Variants in ABL2 observed in about 807,000 individuals in gnomAD.
The protein encoded by ABL2 is tyrosine-protein kinase ABL2.
Under a neutral mutation model 107.7 loss-of-function variants are expected in ABL2, and 49 were observed. The ratio of observed to expected loss-of-function variants is 0.45; its 90% CI spans 0.36 to 0.58. ABL2 has a LOEUF of 0.58. Among genes scored for constraint, ABL2 ranks in the 20% least tolerant of loss-of-function variants. The pLI is 0.00. For missense variants in ABL2, 1,245 were observed against 1,457.0 expected, an observed-to-expected ratio of 0.85 and a Z score of 2.37; for synonymous variants, 549 against 548.6, an observed-to-expected ratio of 1.00 and a Z score of -0.01.
At chr1:179,124,308 A>G (rs1019712144) in intron 4 of ABL2, among the ~76,000 whole-genome samples, 4 of 151,972 alleles carry the variant, frequency 2.6e-5, no homozygotes, top group African/African-American at 7.2e-5. Context: ...CAGAAAATTG[A>G]TAATTTTTAC....
intron 2 of ABL2, 79 bp downstream of exon 2, chr1:179,133,233 A>G: frequency 6.3e-7 from 1 of 1,584,868 alleles, no homozygotes; most frequent in Non-Finnish European, 8.6e-7. Flanking sequence ...GGTTCCATTT[A>G]TTTTCAAATC....
intron 1 of ABL2, among the ~76,000 whole-genome samples, chr1:179,156,925 AT>A (rs1216015605): frequency 1.0e-4 from 13 of 129,260 alleles, no homozygotes; most frequent in South Asian, 2.5e-4. Context: ...AAATAAATAA[AT>A]AAATAAAACT....
chr1:179,178,683 A>G (rs1378320289), intron 1 of ABL2, among the ~76,000 whole-genome samples: 1 of 152,134 alleles, frequency 6.6e-6, no homozygotes, highest in Non-Finnish European at 1.5e-5. Context: ...TGAGGCCAGG[A>G]GTTCAAGACA....
At chr1:179,116,419 A>C (rs1409739397) in intron 8 of ABL2, among the ~76,000 whole-genome samples, 1 of 152,214 alleles carries the variant, frequency 6.6e-6, no homozygotes, top group East Asian at 1.9e-4. Context: ...GATGCTTTAC[A>C]GAGGGAGGAT....
chr1:179,193,550 G>A (rs928960300), intron 1 of ABL2, among the ~76,000 whole-genome samples: 5 of 151,582 alleles, frequency 3.3e-5, no homozygotes, highest in Non-Finnish European at 7.4e-5. Flanking sequence ...GATAACAAGC[G>A]CCTGCGACCA....
In ABL2 at chr1:179,100,547, C is replaced by G. The variant is rs1490004923; in HGVS notation, c.*7171G>C. 4.4e-6 allele frequency: 1 copy of G among 229,128 alleles called. No homozygotes were observed. The highest frequency in any genetic ancestry group is 2.2e-5 in the African/African-American group (1 of 45,128). The allele number at this position is 229,128 out of a possible 1,614,324, so 14.2% of individuals were successfully genotyped here. ...ATTCCGAAGCAAATTTAAGCAAGTT[C>G]TGACTACACAAACTCCTTATGTTTC... is the stretch of plus-strand genomic sequence containing the variant. On this transcript the variant is annotated 3_prime_UTR_variant, in exon 12 of 12. Coordinates refer to ENST00000502732, the MANE Select transcript of ABL2 (RefSeq NM_007314.4).
At chr1:179,189,415 T>C (rs1206818549) in intron 1 of ABL2, among the ~76,000 whole-genome samples, 1 of 152,206 alleles carries the variant, frequency 6.6e-6, no homozygotes, top group Non-Finnish European at 1.5e-5. Flanking sequence ...ATTACAGGCA[T>C]GAGCCACCGC....
chr1:179,109,280 G>A lies in ABL2; in HGVS notation c.1987C>T (p.Pro663Ser), dbSNP rs1214381804. The stretch of plus-strand genomic sequence containing the variant: ...GAGCTGCTGCGTTTGGGGGGTGTAG[G>A]AGCATTTCTCTTCTTCATGAAGGAG... ...FSSFMKKRNAPTPPKRSSSFR... is the reference protein window; with the variant it reads ...FSSFMKKRNASTPPKRSSSFR... The change falls in exon 12 of 12, where the codon CCT (proline) becomes TCT (serine). Residue 663 changes from proline to serine, a missense_variant. Physicochemically the swap from Pro to Ser is moderately conservative, Grantham distance 74 (BLOSUM62 -1). Transcript: ENST00000502732. 1 of 1,614,092 alleles carries A rather than the reference G, an allele frequency of 6.2e-7. No homozygotes were observed. The highest frequency in any genetic ancestry group is 8.5e-7 in the Non-Finnish European group (1 of 1,180,014).
At chr1:179,156,234 A>G (rs1658680594) in intron 1 of ABL2, among the ~76,000 whole-genome samples, 1 of 152,210 alleles carries the variant, frequency 6.6e-6, no homozygotes, top group Non-Finnish European at 1.5e-5. Context: ...ACTGGCTGCA[A>G]GCTATTTCCT....
intron 1 of ABL2, among the ~76,000 whole-genome samples, chr1:179,223,083 C>A (rs1347110544): frequency 7.5e-6 from 1 of 133,020 alleles, no homozygotes; most frequent in African/African-American, 2.9e-5. Context: ...GCACTCCAGG[C>A]TGGGAGACAG....
At chr1:179,222,816 C>G (rs549462642) in intron 1 of ABL2, among the ~76,000 whole-genome samples, 3 of 146,466 alleles carry the variant, frequency 2.0e-5, no homozygotes, top group Admixed American at 1.4e-4. Context: ...ACAACAACAA[C>G]AAAAAAAAAA....
chr1:179,176,288 C>T (rs1313675046), intron 1 of ABL2, among the ~76,000 whole-genome samples: 1 of 152,026 alleles, frequency 6.6e-6, no homozygotes, highest in Non-Finnish European at 1.5e-5. Flanking sequence ...AACAGGGTGA[C>T]TCTAGTTAAT....
chr1:179,229,453 G>T lies in ABL2; in HGVS notation c.-56C>A. 3 of 1,432,362 alleles carry T rather than the reference G, an allele frequency of 2.1e-6. No individual in the cohort carries two copies. Among genetic ancestry groups the T allele is most frequent in the Non-Finnish European group, 2.7e-6 (3 of 1,101,938 alleles). 88.7% of individuals were successfully genotyped at this position (1,432,362 alleles called of 1,614,324 possible). A position where few individuals can be genotyped will look rare whatever the true frequency, so the allele number is the denominator to read the frequency against. On this transcript the variant is annotated 5_prime_UTR_variant, in exon 1 of 12. Coordinates refer to ENST00000502732, the MANE Select transcript of ABL2 (RefSeq NM_007314.4). Reference sequence around the variant, plus strand: ...CGACCCCTGGTCACATTCCTCCTCGGCTCCGGCCTCGGGCTCCTGGCGCTG... The same window carrying T: ...CGACCCCTGGTCACATTCCTCCTCGTCTCCGGCCTCGGGCTCCTGGCGCTG...
chr1:179,131,382 C>T lies in ABL2; in HGVS notation c.320G>A (p.Ser107Asn), dbSNP rs370197732. 7 of 1,614,092 alleles carry T rather than the reference C, an allele frequency of 4.3e-6. No individual in the cohort carries two copies. Among genetic ancestry groups the T allele is most frequent in the South Asian group, 1.1e-5 (1 of 91,092 alleles). ...SKENLLGATE[S>N]DPNLFVALYD... The stretch of plus-strand genomic sequence containing the variant: ...AAGTGCAACGAAGAGATTAGGGTCA[C>T]TCTCAGTGGCTCCGAGCAAGTTCTC... The change falls in exon 3 of 12, where the codon AGT (serine) becomes AAT (asparagine). Residue 107 changes from serine (S) to asparagine (N), a missense_variant. Ser to Asn is a conservative substitution (Grantham distance 46, BLOSUM62 1). This residue lies in a region of ABL2 where 164 missense variants were observed against 143.7 expected (regional missense o/e 1.14). Coordinates refer to ENST00000502732, the MANE Select transcript of ABL2 (RefSeq NM_007314.4).
rs12075304 is a variant in ABL2, at chr1:179,128,663, A to C, written c.392-1991T>G. 1.1e-3 allele frequency among the ~76,000 whole-genome samples: 161 copies of C among 152,268 alleles called. 1 individual carries two copies. Among genetic ancestry groups the C allele is most frequent in the African/African-American group, 3.6e-3 (150 of 41,562 alleles). On this transcript the variant is annotated intron_variant, in intron 3 of 11. Coordinates refer to ENST00000502732, the MANE Select transcript of ABL2 (RefSeq NM_007314.4). ...TAGTATGGATTCAAATATTGGCCAA[A>C]CTGGCAGAGCAACCCTAGGGAGAAC...
intron 2 of ABL2, among the ~76,000 whole-genome samples, chr1:179,132,696 T>C (rs950253858): frequency 1.3e-4 from 20 of 150,620 alleles, no homozygotes; most frequent in Non-Finnish European, 1.2e-4. Context: ...CCTGCCACCA[T>C]ACCCAGCTAA....
intron 3 of ABL2, among the ~76,000 whole-genome samples, chr1:179,130,853 T>C (rs951579741): frequency 6.6e-6 from 1 of 151,888 alleles, no homozygotes; most frequent in African/African-American, 2.4e-5. Context: ...GTACATGAAC[T>C]GGATTGCTAG....
At chr1:179,113,842 G>T (rs952632542) in intron 9 of ABL2, among the ~76,000 whole-genome samples, 5 of 152,220 alleles carry the variant, frequency 3.3e-5, no homozygotes, top group African/African-American at 1.2e-4. Context: ...GCTGAGGCAG[G>T]AGAATGGCAT....
chr1:179,191,354 A>G (rs1320015277), intron 1 of ABL2, among the ~76,000 whole-genome samples: 1 of 149,990 alleles, frequency 6.7e-6, no homozygotes, highest in Non-Finnish European at 1.5e-5. Flanking sequence ...ATTCTTCTAT[A>G]TTAAATTATT....
Sources: allele counts gnomAD v4.1 joint callset (sites outside exome capture counted in the v4.1 genomes callset), GRCh38; gene constraint gnomAD v4.1.1; regional missense constraint gnomAD v4.1.1; transcripts MANE v1.5; gene names NCBI Gene and HGNC (gene_info 2026-07-23, HGNC 2026-07-21).